CDIP1: variants seen among roughly 807,000 people sequenced by gnomAD.
CDIP1 encodes cell death inducing p53 target 1.
In CDIP1, 9 loss-of-function variants were observed where a neutral mutation model predicts 17.7. The observed-to-expected ratio is 0.51, with a 90% confidence interval of 0.31 to 0.89. The LOEUF is 0.89. Ranked by LOEUF, CDIP1 falls within the 40% of genes least tolerant of loss-of-function variation. The pLI, the probability that CDIP1 is intolerant of heterozygous loss-of-function variation, is 0.05. For missense variants in CDIP1, 263 were observed against 277.9 expected (o/e 0.95, Z 0.38); for synonymous variants, 117 against 109.5 (o/e 1.07, Z -0.43).
rs2058824607 is a variant in CDIP1, at chr16:4,511,202, A to G, written c.*1370T>C. 1 of 152,548 alleles carries G rather than the reference A, an allele frequency of 6.6e-6. No homozygotes were observed. Among genetic ancestry groups the G allele is most frequent in the Non-Finnish European group, 1.5e-5 (1 of 68,092 alleles). 9.4% of individuals were successfully genotyped at this position (152,548 alleles called of 1,614,324 possible). A position where few individuals can be genotyped will look rare whatever the true frequency, so the allele number is the denominator to read the frequency against. ...TGTTGTCCCAGGCAGTTGGCATGGC[A>G]TCAGCACTGAGGGTGTGAGACCCTG... On this transcript the variant is annotated 3_prime_UTR_variant, in exon 6 of 6. Transcript: ENST00000567695.
At chr16:4,521,588 T>G (rs1024082679) in intron 1 of CDIP1, among the ~76,000 whole-genome samples, 1 of 150,454 alleles carries the variant, frequency 6.6e-6, no homozygotes, top group Non-Finnish European at 1.5e-5. Context: ...CTGGGCCAGG[T>G]GTGGTGGCTC....
chr16:4,518,281 A>G (rs771398125), intron 1 of CDIP1, among the ~76,000 whole-genome samples: 3 of 152,168 alleles, frequency 2.0e-5, no homozygotes, highest in African/African-American at 4.8e-5. Flanking sequence ...CAAAAATTCT[A>G]TTTCTGGAAT....
intron 1 of CDIP1, among the ~76,000 whole-genome samples, chr16:4,526,157 G>A (rs942371681): frequency 2.0e-5 from 3 of 151,930 alleles, no homozygotes; most frequent in African/African-American, 7.2e-5. Context: ...CTGTAATTAC[G>A]GCACTTTGGG....
chr16:4,525,838 A>G (rs945799323), intron 1 of CDIP1, among the ~76,000 whole-genome samples: 1 of 152,164 alleles, frequency 6.6e-6, no homozygotes, highest in African/African-American at 2.4e-5. Context: ...GGCCTGGAAA[A>G]TCCTGAACAT....
At chr16:4,528,858 G>A (rs1440772114) in intron 1 of CDIP1, among the ~76,000 whole-genome samples, 2 of 151,892 alleles carry the variant, frequency 1.3e-5, no homozygotes, top group African/African-American at 2.4e-5. Flanking sequence ...GCGTGGTGGC[G>A]CATGCCTGTA....
chr16:4,527,876 G>C (rs1022120357), intron 1 of CDIP1, among the ~76,000 whole-genome samples: 2 of 152,084 alleles, frequency 1.3e-5, no homozygotes, highest in African/African-American at 4.8e-5. Flanking sequence ...GAATGCAATG[G>C]TGCAGTCTAG....
intron 1 of CDIP1, among the ~76,000 whole-genome samples, chr16:4,528,542 C>A (rs2059023583): frequency 6.6e-6 from 1 of 152,060 alleles, no homozygotes; most frequent in Non-Finnish European, 1.5e-5. Context: ...ATAAGTCAGA[C>A]ACAGTGGCTC....
intron 1 of CDIP1, among the ~76,000 whole-genome samples, chr16:4,521,164 C>A (rs1341090286): frequency 6.6e-6 from 1 of 151,984 alleles, no homozygotes; most frequent in Non-Finnish European, 1.5e-5. Context: ...CAGTGTGGTG[C>A]CAGTCTTGAG....
At chr16:4,528,683 C>CAAAAAAA (rs374609894) in intron 1 of CDIP1, among the ~76,000 whole-genome samples, 2 of 50,962 alleles carry the variant, frequency 3.9e-5, no homozygotes, top group African/African-American at 1.7e-4. Context: ...AACCCTGTCT[C>CAAAAAAA]AAAAAAAAAA....
chr16:4,512,728 G>A lies in CDIP1; in HGVS notation c.516-45C>T, dbSNP rs942238464. On this transcript the variant is annotated intron_variant, in intron 5 of 5. Coordinates refer to ENST00000567695, the MANE Select transcript of CDIP1 (RefSeq NM_013399.3). The surrounding 1 kb of genome is among the most constrained non-coding windows in gnomAD (Gnocchi z 4.6). ...GAACAGGCTGAGGCCTGCTGCGGAG[G>A]AGGCAGAGGCAGCCAGTTGACCCTG... is the stretch of plus-strand genomic sequence containing the variant. 2.5e-6 allele frequency: 4 copies of A among 1,604,126 alleles called. No homozygotes were observed. The highest frequency in any genetic ancestry group is 1.7e-5 in the Admixed American group (1 of 59,566).
chr16:4,520,230 G>A (rs28483690), intron 1 of CDIP1, among the ~76,000 whole-genome samples: 2 of 151,898 alleles, frequency 1.3e-5, no homozygotes, highest in East Asian at 3.9e-4. Flanking sequence ...TCCTGCCTCA[G>A]CCTCCTGAGG....
intron 1 of CDIP1, chr16:4,538,199 G>A (rs949480203): frequency 2.0e-5 from 3 of 152,204 alleles, no homozygotes; most frequent in African/African-American, 7.2e-5. Flanking sequence ...CACACAGCGG[G>A]GCGCCCGCCC....
At chr16:4,517,678 A>T (rs1198224673) in intron 1 of CDIP1, among the ~76,000 whole-genome samples, 3 of 151,948 alleles carry the variant, frequency 2.0e-5, no homozygotes, top group African/African-American at 7.3e-5. Flanking sequence ...GACTCAGAGG[A>T]TACAGTGAGC....
At chr16:4,528,683 C>CTAAA (rs2059025141) in intron 1 of CDIP1, among the ~76,000 whole-genome samples, 1 of 50,936 alleles carries the variant, frequency 2.0e-5, no homozygotes, top group Non-Finnish European at 3.3e-5. Flanking sequence ...AACCCTGTCT[C>CTAAA]AAAAAAAAAA....
intron 1 of CDIP1, among the ~76,000 whole-genome samples, chr16:4,538,005 G>A (rs529276230): frequency 3.4e-4 from 52 of 152,216 alleles, no homozygotes; most frequent in Non-Finnish European, 6.9e-4. Flanking sequence ...GGTCACCCGC[G>A]GGGCTCGGCA....
At chr16:4,515,968 T>A (rs541578681) in intron 1 of CDIP1, among the ~76,000 whole-genome samples, 1 of 152,124 alleles carries the variant, frequency 6.6e-6, no homozygotes, top group African/African-American at 2.4e-5. Context: ...ACACAGAAAT[T>A]TGTACACAAA....
intron 1 of CDIP1, among the ~76,000 whole-genome samples, chr16:4,538,123 ACAAC>A (rs2059129335): frequency 6.6e-6 from 1 of 151,900 alleles, no homozygotes; most frequent in Non-Finnish European, 1.5e-5. Flanking sequence ...GGCAATTTCC[ACAAC>A]CTTCCCTGAC....
intron 1 of CDIP1, among the ~76,000 whole-genome samples, chr16:4,524,846 G>T (rs565036511): frequency 6.6e-6 from 1 of 152,198 alleles, no homozygotes; most frequent in Admixed American, 6.5e-5. Context: ...GCTCACACCT[G>T]TAATTCCAGC....
chr16:4,526,616 T>C (rs1298002186), intron 1 of CDIP1, among the ~76,000 whole-genome samples: 1 of 146,484 alleles, frequency 6.8e-6, no homozygotes, highest in Non-Finnish European at 1.5e-5. Context: ...AGGAGAATGG[T>C]GCAAACCCGG....
Sources: allele counts gnomAD v4.1 joint callset (sites outside exome capture counted in the v4.1 genomes callset), GRCh38; gene constraint gnomAD v4.1.1; non-coding constraint Gnocchi (gnomAD v3.1); transcripts MANE v1.5; gene names NCBI Gene and HGNC (gene_info 2026-07-23, HGNC 2026-07-21).